The following UBTD1 variants were observed in gnomAD, a reference collection of about 807,000 sequenced individuals.
UBTD1 encodes the protein ubiquitin domain-containing protein 1.
UBTD1 carries 19 observed loss-of-function variants against 21.7 expected under a neutral mutation model. The observed-to-expected ratio is 0.87, with a 90% CI of 0.61 to 1.28. The LOEUF (loss-of-function observed/expected upper bound fraction) is 1.28, where lower values mean the gene tolerates loss of function less well. UBTD1 is among the 50% of genes most tolerant of loss of function. UBTD1 has a pLI of 0.00. For missense variants in UBTD1, 282 were observed against 315.1 expected, an observed-to-expected ratio of 0.89 and a Z score of 0.80; for synonymous variants, 116 against 135.1, an observed-to-expected ratio of 0.86 and a Z score of 0.98.
intron 1 of UBTD1, among the ~76,000 whole-genome samples, chr10:97,528,057 G>A (rs1422060369): frequency 6.9e-5 from 10 of 145,114 alleles, no homozygotes; most frequent in Middle Eastern, 3.6e-3. Context: ...CCCGGACGGG[G>A]CGGCTGGCTG....
intron 1 of UBTD1, among the ~76,000 whole-genome samples, chr10:97,566,717 A>T (rs966288062): frequency 6.6e-6 from 1 of 152,218 alleles, no homozygotes; most frequent in Non-Finnish European, 1.5e-5. Flanking sequence ...CTTTTGCCCC[A>T]GCCAGTGGGA....
At chr10:97,553,572 C>A (rs997773532) in intron 1 of UBTD1, among the ~76,000 whole-genome samples, 1 of 152,204 alleles carries the variant, frequency 6.6e-6, no homozygotes, top group Non-Finnish European at 1.5e-5. Context: ...AATGTTTGGG[C>A]ATGTCTCCTA....
chr10:97,523,842 C>T (rs1265118412), intron 1 of UBTD1, among the ~76,000 whole-genome samples: 1 of 152,068 alleles, frequency 6.6e-6, no homozygotes, highest in Non-Finnish European at 1.5e-5. Context: ...CGTGAGACTG[C>T]TGAAGACCCG....
Position 97,570,125 on chromosome 10 carries a change from G to A in UBTD1, c.299-13G>A. ...TCCCCAAGCTGACTCTGACAGCCCT[G>A]CCTCTCCTACAGGCACCCTCTGTGA... On this transcript the variant is annotated splice_polypyrimidine_tract_variant and intron_variant, in intron 2 of 2. Transcript: ENST00000370664. The surrounding 1 kb of genome is among the most constrained non-coding windows in gnomAD (Gnocchi z 6.6). 6.3e-7 allele frequency: 1 copy of A among 1,589,624 alleles called. No homozygotes were observed. Among genetic ancestry groups the A allele is most frequent in the African/African-American group, 1.3e-5 (1 of 74,634 alleles).
rs181737588 is a variant in UBTD1 at position 97,535,671 on chromosome 10, A to G, written c.71-32243A>G. Among the ~76,000 whole-genome samples the G allele has an allele frequency of 2.6e-3, 390 of 152,248 alleles. 1 individual carries two copies. Among genetic ancestry groups the G allele is most frequent in the African/African-American group, 8.4e-3 (347 of 41,556 alleles). ...CTTGCAGCTGTAGTGGCTCATACCTATAATTCTGGCACCATGGGAGGATCA... is the reference window on the plus strand; with the variant it reads ...CTTGCAGCTGTAGTGGCTCATACCTGTAATTCTGGCACCATGGGAGGATCA... On this transcript the variant is annotated intron_variant, in intron 1 of 2. Coordinates refer to ENST00000370664, the MANE Select transcript of UBTD1 (RefSeq NM_024954.5).
At chr10:97,553,406 C>CA (rs1360121898) in intron 1 of UBTD1, among the ~76,000 whole-genome samples, 1 of 152,250 alleles carries the variant, frequency 6.6e-6, no homozygotes, top group Non-Finnish European at 1.5e-5. Context: ...GCTGGGATTA[C>CA]AGGCGTGAGC....
intron 1 of UBTD1, among the ~76,000 whole-genome samples, chr10:97,503,761 G>T (rs78266887): frequency 0.027 from 4,104 of 152,288 alleles, 147 homozygotes; most frequent in African/African-American, 0.085. Context: ...GCCACATGGA[G>T]CTTACAGTCT....
chr10:97,523,732 T>C (rs1394407437), intron 1 of UBTD1, among the ~76,000 whole-genome samples: 1 of 152,016 alleles, frequency 6.6e-6, no homozygotes, highest in Non-Finnish European at 1.5e-5. Flanking sequence ...TCTTTGTACC[T>C]TCTTTGGGTG....
At chr10:97,505,915 T>A (rs1482519390) in intron 1 of UBTD1, among the ~76,000 whole-genome samples, 1 of 152,238 alleles carries the variant, frequency 6.6e-6, no homozygotes, top group Non-Finnish European at 1.5e-5. Flanking sequence ...GGAGCAAAAC[T>A]ATAAAAGAAA....
rs558625851 is a variant in UBTD1 at position 97,527,267 on chromosome 10, A to G, written c.70+27994A>G. Among the ~76,000 whole-genome samples the G allele has an allele frequency of 1.9e-3, 280 of 150,272 alleles. 1 individual carries two copies. The Middle Eastern group carries it at 0.053, about 28-fold the overall frequency. Reference sequence around the variant, plus strand: ...GTTGGGAGGCCAACGCAGGAGGATCACTTGAGTCCAGGAGTTTGAGACCAG... The same window carrying G: ...GTTGGGAGGCCAACGCAGGAGGATCGCTTGAGTCCAGGAGTTTGAGACCAG... On this transcript the variant is annotated intron_variant, in intron 1 of 2. Coordinates refer to ENST00000370664, the MANE Select transcript of UBTD1 (RefSeq NM_024954.5).
At chr10:97,552,871 C>T (rs1176107594) in intron 1 of UBTD1, among the ~76,000 whole-genome samples, 1 of 152,206 alleles carries the variant, frequency 6.6e-6, no homozygotes, top group Non-Finnish European at 1.5e-5. Context: ...AGCCTTTCTC[C>T]TGGCCATGTG....
intron 1 of UBTD1, among the ~76,000 whole-genome samples, chr10:97,542,366 G>C: frequency 6.6e-6 from 1 of 152,360 alleles, no homozygotes; most frequent in Non-Finnish European, 1.5e-5. Flanking sequence ...GATGAGTCAG[G>C]TTTTTCCCTT....
At chr10:97,543,834 C>T (rs933660492) in intron 1 of UBTD1, among the ~76,000 whole-genome samples, 1 of 152,146 alleles carries the variant, frequency 6.6e-6, no homozygotes, top group Non-Finnish European at 1.5e-5. Context: ...ACCTCCAGCC[C>T]GAACAGTTGT....
At chr10:97,535,968 A>AATTATTATTATT (rs760908517) in intron 1 of UBTD1, among the ~76,000 whole-genome samples, 5,235 of 90,090 alleles carry the variant, frequency 0.058, 126 homozygotes, top group East Asian at 0.078. Flanking sequence ...GTTGGAGAGA[A>AATTATTATTATT]ATTATTATTA....
intron 1 of UBTD1, among the ~76,000 whole-genome samples, chr10:97,502,559 A>G (rs2040380637): frequency 6.6e-6 from 1 of 152,214 alleles, no homozygotes; most frequent in Non-Finnish European, 1.5e-5. Context: ...TCTGGGTCAC[A>G]CTTTCAATAT....
intron 1 of UBTD1, among the ~76,000 whole-genome samples, chr10:97,523,237 T>C (rs1028284502): frequency 4.6e-5 from 7 of 152,298 alleles, no homozygotes; most frequent in African/African-American, 1.7e-4. Flanking sequence ...CGGGACATTT[T>C]ATAGACAGTG....
Position 97,568,002 on chromosome 10 carries a change from G to A in UBTD1, c.159G>A (p.Glu53=). 1.2e-6 allele frequency: 2 copies of A among 1,614,184 alleles called. No individual in the cohort carries two copies. The highest frequency in any genetic ancestry group is 1.7e-5 in the Admixed American group (1 of 60,032). ...TDGQLRSKRD[E]FWDTAPAFEG... The stretch of plus-strand genomic sequence containing the variant: ...GGCAGCTGCGGAGCAAACGGGATGA[G>A]TTCTGGGACACAGCGCCTGCCTTCG... Residue 53 remains glutamate, a synonymous_variant, in exon 2 of 3, where the codon GAG becomes GAA. Coordinates refer to ENST00000370664, the MANE Select transcript of UBTD1 (RefSeq NM_024954.5).
chr10:97,570,509 C>A lies in UBTD1; in HGVS notation c.670C>A (p.Pro224Thr), dbSNP rs1589886862. 3.1e-6 allele frequency: 5 copies of A among 1,607,474 alleles called. No homozygotes were observed. The East Asian group carries it at 1.1e-4, about 36-fold the overall frequency. The stretch of plus-strand genomic sequence containing the variant: ...CCAGGTCATCATCAACCAGCCCCCA[C>A]CACCCCAGGACTGATGGGCCCACGG... ...VIQVIINQPP[P>T]PQD is the part of the protein sequence containing the mutation. The change falls in exon 3 of 3, where the codon CCA (proline) becomes ACA (threonine). Residue 224 changes from proline (P) to threonine (T), a missense_variant. By Grantham distance (38) the Pro-to-Thr change is conservative. Coordinates refer to ENST00000370664, the MANE Select transcript of UBTD1 (RefSeq NM_024954.5). The surrounding 1 kb of genome is among the most constrained non-coding windows in gnomAD (Gnocchi z 6.6).
intron 1 of UBTD1, among the ~76,000 whole-genome samples, chr10:97,529,146 T>C (rs1331004558): frequency 1.5e-3 from 223 of 145,378 alleles, no homozygotes; most frequent in African/African-American, 5.3e-3. Flanking sequence ...GCAGAGGCGC[T>C]CCCCACATCT....
Sources: gnomAD v4.1 joint callset for allele counts (sites outside exome capture counted in the v4.1 genomes callset) on GRCh38, gnomAD v4.1.1 for gene constraint, Gnocchi (gnomAD v3.1) non-coding constraint, MANE v1.5 for transcripts, NCBI Gene and HGNC (gene_info 2026-07-23, HGNC 2026-07-21) for gene names.